Variants in CDH12 observed in about 807,000 individuals in gnomAD.
CDH12 encodes cadherin 12.
CDH12 carries 41 observed loss-of-function variants against 74.1 expected under a neutral mutation model. The observed-to-expected ratio is 0.55, with a 90% CI of 0.43 to 0.72. CDH12 has a LOEUF of 0.72. Ranked by LOEUF, CDH12 falls within the 30% of genes least tolerant of loss-of-function variation. CDH12 has a pLI of 0.00. For missense variants in CDH12, 945 were observed against 977.2 expected, an observed-to-expected ratio of 0.97 and a Z score of 0.44; for synonymous variants, 399 against 355.0, an observed-to-expected ratio of 1.12 and a Z score of -1.39.
intron 13 of CDH12, among the ~76,000 whole-genome samples, chr5:21,758,258 A>G (rs767137596): frequency 1.3e-5 from 2 of 152,142 alleles, no homozygotes; most frequent in Non-Finnish European, 2.9e-5. Context: ...CTCATTATAA[A>G]TAACTTCAAG....
chr5:22,326,663 A>G (rs1739121361), intron 3 of CDH12, among the ~76,000 whole-genome samples: 1 of 152,226 alleles, frequency 6.6e-6, no homozygotes, highest in South Asian at 2.1e-4. Flanking sequence ...AGAACAAGAA[A>G]TAGACATTAG....
chr5:21,784,835 C>G (rs1324363854), intron 10 of CDH12, among the ~76,000 whole-genome samples: 1 of 152,152 alleles, frequency 6.6e-6, no homozygotes, highest in East Asian at 1.9e-4. Flanking sequence ...AGTTCTAGGT[C>G]ACCTGCATTT....
rs530137416 is a variant in CDH12, at chr5:22,267,153, A to G, written c.-332-54510T>C. On this transcript the variant is annotated intron_variant, in intron 3 of 14. Coordinates refer to ENST00000382254, the MANE Select transcript of CDH12 (RefSeq NM_004061.5). ...CTTTACAGTTATCTTAGGGCTATTAATGCATGATTATCGTATGTGTATTTG... is the reference window on the plus strand; with the variant it reads ...CTTTACAGTTATCTTAGGGCTATTAGTGCATGATTATCGTATGTGTATTTG... Among the ~76,000 whole-genome samples the G allele has an allele frequency of 2.0e-5, 3 of 152,300 alleles. No individual in the cohort carries two copies. The East Asian group carries it at 5.8e-4, about 29-fold the overall frequency.
chr5:22,498,710 T>G (rs915426415), intron 2 of CDH12, among the ~76,000 whole-genome samples: 32 of 151,922 alleles, frequency 2.1e-4, no homozygotes, highest in African/African-American at 7.5e-4. Context: ...TTAGTTGTAG[T>G]TTTAATTGAC....
chr5:22,123,522 GATTT>G (rs1199958907), intron 4 of CDH12, among the ~76,000 whole-genome samples: 2 of 152,106 alleles, frequency 1.3e-5, no homozygotes, highest in Non-Finnish European at 2.9e-5. Context: ...GTAGTCGTTC[GATTT>G]ATTTTGAGGT....
chr5:22,645,213 C>T (rs1739374471), intron 1 of CDH12, among the ~76,000 whole-genome samples: 1 of 152,058 alleles, frequency 6.6e-6, no homozygotes, highest in Non-Finnish European at 1.5e-5. Context: ...GGAAAAGATT[C>T]ACCATTCTAA....
At chr5:22,629,767 T>C (rs1283492104) in intron 1 of CDH12, among the ~76,000 whole-genome samples, 1 of 151,896 alleles carries the variant, frequency 6.6e-6, no homozygotes, top group African/African-American at 2.4e-5. Flanking sequence ...TCAGAGTAAT[T>C]AGGTAAGAGA....
At chr5:21,923,270 A>G (rs938533131) in intron 6 of CDH12, among the ~76,000 whole-genome samples, 1 of 152,198 alleles carries the variant, frequency 6.6e-6, no homozygotes, top group Non-Finnish European at 1.5e-5. Context: ...CTTTTAAAAA[A>G]GATTTTGAGA....
chr5:22,532,369 A>AT lies in CDH12; in HGVS notation c.-522-27006dup, dbSNP rs750794733. ...AAATAGGATATATATATATATATAT[A>AT]TATATATATGTATGTATCCTATTTT... On this transcript the variant is annotated intron_variant, in intron 1 of 14. Coordinates refer to ENST00000382254, the MANE Select transcript of CDH12 (RefSeq NM_004061.5). Among the ~76,000 whole-genome samples, 19 of 105,806 alleles carry AT rather than the reference A, an allele frequency of 1.8e-4. 3 individuals are homozygous for AT. Among genetic ancestry groups the AT allele is most frequent in the African/African-American group, 6.3e-4 (17 of 26,820 alleles). The allele number at this position is 105,806 out of a possible 152,430, so 69.4% of individuals were successfully genotyped here.
At chr5:22,202,434 A>G (rs1476954797) in intron 4 of CDH12, among the ~76,000 whole-genome samples, 1 of 152,176 alleles carries the variant, frequency 6.6e-6, no homozygotes, top group East Asian at 1.9e-4. Flanking sequence ...AGCTAATATT[A>G]GCGACAACAA....
chr5:21,991,677 T>A (rs1250877416), intron 5 of CDH12, among the ~76,000 whole-genome samples: 1 of 151,462 alleles, frequency 6.6e-6, no homozygotes, highest in Non-Finnish European at 1.5e-5. Context: ...TTTTGTAGCA[T>A]CCATTACTGT....
At chr5:22,274,833 A>T (rs1736554758) in intron 3 of CDH12, among the ~76,000 whole-genome samples, 1 of 152,120 alleles carries the variant, frequency 6.6e-6, no homozygotes, top group South Asian at 2.1e-4. Flanking sequence ...TAAAAGTTAT[A>T]TGCATCTTAT....
chr5:22,273,301 A>G (rs1736487354), intron 3 of CDH12, among the ~76,000 whole-genome samples: 1 of 152,194 alleles, frequency 6.6e-6, no homozygotes, highest in Non-Finnish European at 1.5e-5. Context: ...TGACACAGAG[A>G]TATACAATGA....
intron 1 of CDH12, among the ~76,000 whole-genome samples, chr5:22,777,411 G>A (rs1747159207): frequency 6.6e-6 from 1 of 152,028 alleles, no homozygotes; most frequent in Admixed American, 6.6e-5. Flanking sequence ...TACTGAAATA[G>A]TCTTTGACTT....
At chr5:22,715,453 A>G (rs141355398) in intron 1 of CDH12, among the ~76,000 whole-genome samples, 1,928 of 152,264 alleles carry the variant, frequency 0.013, 18 homozygotes, top group Non-Finnish European at 0.019. Context: ...GCTACTCAGT[A>G]CCAAATACTG....
intron 4 of CDH12, among the ~76,000 whole-genome samples, chr5:22,102,841 C>T (rs1285006366): frequency 1.3e-5 from 2 of 152,100 alleles, no homozygotes; most frequent in Non-Finnish European, 2.9e-5. Flanking sequence ...TCCCTACCCT[C>T]TTCAGCCTTC....
In CDH12 at chr5:22,022,012, T is replaced by A. The variant is rs75397821; in HGVS notation, c.232-46627A>T. On this transcript the variant is annotated intron_variant, in intron 5 of 14. Transcript: ENST00000382254. ...CACTATGCCTAGATAATTTTTAAAA[T>A]TTTTTGTAGAGACAGAGCCTCAGTA... Among the ~76,000 whole-genome samples the A allele has an allele frequency of 5.1e-3, 775 of 152,252 alleles. 4 individuals carry two copies. Among genetic ancestry groups the A allele is most frequent in the Non-Finnish European group, 7.4e-3 (506 of 68,024 alleles).
chr5:22,392,058 T>C (rs1742272118), intron 3 of CDH12, among the ~76,000 whole-genome samples: 1 of 152,174 alleles, frequency 6.6e-6, no homozygotes, highest in African/African-American at 2.4e-5. Flanking sequence ...TGTTTTCATA[T>C]AGAGGGATAT....
At chr5:21,782,194 G>A (rs1206470985) in intron 11 of CDH12, among the ~76,000 whole-genome samples, 4 of 152,158 alleles carry the variant, frequency 2.6e-5, no homozygotes, top group African/African-American at 9.7e-5. Flanking sequence ...GCACCGCAAC[G>A]TGGCCTCTCT....
Sources: allele counts gnomAD v4.1 joint callset (sites outside exome capture counted in the v4.1 genomes callset), GRCh38; gene constraint gnomAD v4.1.1; transcripts MANE v1.5; gene names NCBI Gene and HGNC (gene_info 2026-07-23, HGNC 2026-07-21).